The following CCDC7 variants were observed in gnomAD, a reference collection of about 807,000 sequenced individuals.
CCDC7 encodes the protein coiled-coil domain-containing protein 7.
A neutral mutation model predicts 196.9 loss-of-function variants in CCDC7; 183 were observed. The ratio of observed to expected loss-of-function variants is 0.93; its 90% CI spans 0.82 to 1.05. CCDC7 has a LOEUF of 1.05. Ranked by LOEUF, CCDC7 falls within the 50% of genes least tolerant of loss-of-function variation. The pLI, the probability that CCDC7 is intolerant of heterozygous loss-of-function variation, is 0.00. For missense variants in CCDC7, 1,540 were observed against 1,482.2 expected, an observed-to-expected ratio of 1.04 and a Z score of -0.64; for synonymous variants, 525 against 484.6, an observed-to-expected ratio of 1.08 and a Z score of -1.10.
intron 29 of CCDC7, among the ~76,000 whole-genome samples, chr10:32,791,120 T>C (rs77014732): frequency 0.019 from 2,925 of 152,214 alleles, 95 homozygotes; most frequent in African/African-American, 0.066. Flanking sequence ...GCACCCACAG[T>C]CATCATTGAC....
chr10:32,571,736 G>C (rs2057586688), intron 15 of CCDC7, 123 bp from the exon 17 acceptor site: 2 of 862,536 alleles, frequency 2.3e-6, no homozygotes, highest in South Asian at 9.3e-5. Flanking sequence ...TTGCTTTTTT[G>C]ATACCTTAAT....
exon 34 of CCDC7, chr10:32,845,298 A>G: frequency 6.4e-7 from 1 of 1,574,706 alleles, no homozygotes; most frequent in East Asian, 2.3e-5. Context: ...TAAAGGGATC[A>G]ATCAATGCAC....
chr10:32,812,835 G>A (rs7916913), intron 30 of CCDC7, among the ~76,000 whole-genome samples: 2,418 of 152,004 alleles, frequency 0.016, 32 homozygotes, highest in Non-Finnish European at 0.026. Context: ...AAATGAACCC[G>A]TCCTTCTTTG....
At chr10:32,520,848 AT>A (rs2047773219) in intron 11 of CCDC7, among the ~76,000 whole-genome samples, 1 of 151,980 alleles carries the variant, frequency 6.6e-6, no homozygotes, top group Non-Finnish European at 1.5e-5. Flanking sequence ...TAGTGTCATC[AT>A]TTGAGGTCGT....
intron 31 of CCDC7, 111 bp downstream of exon 32, chr10:32,814,564 C>A (rs1007439388): frequency 7.2e-6 from 5 of 694,160 alleles, no homozygotes; most frequent in South Asian, 1.9e-5. Flanking sequence ...ATTACATAGG[C>A]AAAAGTCTTT....
At chr10:32,620,328 A>C (rs2063274825) in intron 18 of CCDC7, among the ~76,000 whole-genome samples, 2 of 152,142 alleles carry the variant, frequency 1.3e-5, no homozygotes, top group African/African-American at 4.8e-5. Flanking sequence ...TGGTATTCTC[A>C]TATAATTTCC....
chr10:32,513,826 C>A (rs1355215495), intron 9 of CCDC7: 1 of 152,086 alleles, frequency 6.6e-6, no homozygotes. Flanking sequence ...TTCCACAAAC[C>A]AGGAATAGAA....
chr10:32,714,207 G>GTC (rs1294718647), intron 25 of CCDC7, among the ~76,000 whole-genome samples: 1 of 152,130 alleles, frequency 6.6e-6, no homozygotes, highest in African/African-American at 2.4e-5. Flanking sequence ...TACTCGGTTC[G>GTC]TCTCATTGGG....
At chr10:32,500,272 C>T (rs188316522) in intron 9 of CCDC7, among the ~76,000 whole-genome samples, 6,670 of 151,418 alleles carry the variant, frequency 0.044, 160 homozygotes, top group South Asian at 0.11. Context: ...CCGGTGGAGA[C>T]GCTCCTCACC....
chr10:32,649,200 G>T (rs879042358), intron 20 of CCDC7, among the ~76,000 whole-genome samples: 6 of 152,124 alleles, frequency 3.9e-5, no homozygotes, highest in Non-Finnish European at 7.4e-5. Flanking sequence ...ATAGCCACTG[G>T]ATTCTGGGCT....
At chr10:32,449,724 T>G (rs544617778), upstream of CCDC7, among the ~76,000 whole-genome samples, 1 of 152,166 alleles carries the variant, frequency 6.6e-6, no homozygotes, top group African/African-American at 2.4e-5. Flanking sequence ...AATTCGCATG[T>G]TGAAATTGGG....
At chr10:32,471,219 G>A in exon 6 of CCDC7, 3 of 1,606,468 alleles carry the variant, frequency 1.9e-6, no homozygotes, top group East Asian at 2.2e-5. Flanking sequence ...AAGTCATGTT[G>A]TCTAAAACTA....
At chr10:32,623,073 G>A (rs957249700) in intron 18 of CCDC7, among the ~76,000 whole-genome samples, 17 of 152,074 alleles carry the variant, frequency 1.1e-4, no homozygotes, top group African/African-American at 1.4e-4. Context: ...AGTTTTCAGC[G>A]TCCCCTACAT....
chr10:32,624,984 GTTTTTTTTT>G (rs35752534), intron 18 of CCDC7, among the ~76,000 whole-genome samples: 1 of 51,660 alleles, frequency 1.9e-5, no homozygotes, highest in Non-Finnish European at 3.6e-5. Flanking sequence ...CTTTGCACAA[GTTTTTTTTT>G]TTTTTTTTTT....
At chr10:32,815,923 C>T (rs947866177) in intron 31 of CCDC7, among the ~76,000 whole-genome samples, 20 of 152,168 alleles carry the variant, frequency 1.3e-4, no homozygotes, top group Non-Finnish European at 2.2e-4. Flanking sequence ...GTGTGAGCAA[C>T]GCAGAAGATG....
chr10:32,860,548 TG>T (rs571949065), intron 41 of CCDC7, among the ~76,000 whole-genome samples: 19 of 152,302 alleles, frequency 1.2e-4, no homozygotes, highest in Middle Eastern at 3.4e-3. Context: ...AACATAGTGT[TG>T]GAAGTTCTGG....
At chr10:32,624,816 C>T (rs12098616) in intron 18 of CCDC7, among the ~76,000 whole-genome samples, 5 of 151,844 alleles carry the variant, frequency 3.3e-5, no homozygotes, top group African/African-American at 1.2e-4. Flanking sequence ...ATGAAAAAGT[C>T]TATTTTGGTC....
chr10:32,638,583 C>T (rs910254867), intron 20 of CCDC7, among the ~76,000 whole-genome samples: 7 of 152,192 alleles, frequency 4.6e-5, no homozygotes, highest in Non-Finnish European at 1.0e-4. Context: ...ATGAAGTCCA[C>T]TTGATCATGG....
intron 30 of CCDC7, among the ~76,000 whole-genome samples, chr10:32,813,939 A>T (rs1183669916): frequency 1.3e-5 from 2 of 152,038 alleles, no homozygotes; most frequent in South Asian, 4.2e-4. Flanking sequence ...ATTCTTCTAT[A>T]AATACAATTT....
Sources: gnomAD v4.1 joint callset for allele counts (sites outside exome capture counted in the v4.1 genomes callset) on GRCh38, gnomAD v4.1.1 for gene constraint, MANE v1.5 for transcripts, NCBI Gene and HGNC (gene_info 2026-07-23, HGNC 2026-07-21) for gene names.